The following EPHB4 variants were observed in gnomAD, a reference collection of about 807,000 sequenced individuals.
EPHB4 encodes the protein ephrin type-B receptor 4.
A neutral mutation model predicts 110.6 loss-of-function variants in EPHB4; 50 were observed. That is an observed-to-expected ratio of 0.45 (90% CI 0.36 to 0.57). The LOEUF (loss-of-function observed/expected upper bound fraction) is 0.57. EPHB4 is among the 20% of genes least tolerant of loss of function. The pLI, the probability that EPHB4 is intolerant of heterozygous loss-of-function variation, is 0.00. For missense variants in EPHB4, 1,128 were observed against 1,382.1 expected, an observed-to-expected ratio of 0.82 and a Z score of 2.91; for synonymous variants, 592 against 578.4, an observed-to-expected ratio of 1.02 and a Z score of -0.34.
intron 7 of EPHB4, among the ~76,000 whole-genome samples, chr7:100,818,091 AC>A (rs1416484351): frequency 2.1e-5 from 3 of 140,366 alleles, no homozygotes; most frequent in Non-Finnish European, 4.6e-5. Flanking sequence ...TGGTCTCGAT[AC>A]TCCTGACCTT....
Position 100,822,086 on chromosome 7 carries a change from G to C in EPHB4, c.808+185C>G, listed in dbSNP as rs1407256824. On this transcript the variant is annotated intron_variant, in intron 4 of 16. Coordinates refer to ENST00000358173, the MANE Select transcript of EPHB4 (RefSeq NM_004444.5). The surrounding 1 kb of genome is among the most constrained non-coding windows in gnomAD (Gnocchi z 4.7). ...GAGGCAGGAGAACTGCTTGAACAGG[G>C]ACCCGGGAGGCAAAGGTTGCAGTTG... is the stretch of plus-strand genomic sequence containing the variant. 6.6e-6 allele frequency among the ~76,000 whole-genome samples: 1 copy of C among 152,134 alleles called. No individual in the cohort carries two copies. Among genetic ancestry groups the C allele is most frequent in the African/African-American group, 2.4e-5 (1 of 41,434 alleles).
intron 1 of EPHB4, chr7:100,825,428 CT>C (rs1364774304): frequency 6.6e-6 from 1 of 152,250 alleles, no homozygotes; most frequent in Non-Finnish European, 1.5e-5. Flanking sequence ...AATTTACACA[CT>C]GTCTCTGCCT....
At chr7:100,809,981 G>T (rs145949150) in intron 12 of EPHB4, among the ~76,000 whole-genome samples, 94 of 152,362 alleles carry the variant, frequency 6.2e-4, no homozygotes, top group African/African-American at 2.2e-3. Flanking sequence ...GGGCATAGTG[G>T]CTCATGCCTG....
Position 100,823,758 on chromosome 7 carries a change from G to C in EPHB4, c.297C>G (p.Ser99=). 2 of 1,613,628 alleles carry C rather than the reference G, an allele frequency of 1.2e-6. No homozygotes were observed. Among genetic ancestry groups the C allele is most frequent in the African/African-American group, 2.7e-5 (2 of 75,064 alleles). Residue 99 remains serine, a synonymous_variant, in exon 3 of 17, where the codon TCC becomes TCG. Transcript: ENST00000358173. The part of the protein sequence containing the change: ...TLRFTMLECL[S]LPRAGRSCKE... ...TGCAGGAGCGCCCAGCCCGAGGCAG[G>C]GACAGGCACTCGAGCATGGTGAAGC...
Position 100,817,284 on chromosome 7 carries a change from C to G in EPHB4, c.1496G>C (p.Arg499Pro). The change falls in exon 8 of 17, where the codon CGG becomes CCG. Residue 499 changes from arginine (R) to proline (P), a missense_variant. Physicochemically the swap from Arg to Pro is moderately radical, Grantham distance 103. Transcript: ENST00000358173. Reference protein sequence around the residue: ...ENRAELRGLKRGASYLVQVRA... With the variant: ...ENRAELRGLKPGASYLVQVRA... ...TACCTGCACCAGGTAGCTGGCTCCC[C>G]GCTTCAGCCCCCGCAGCTCTGCCCG... is the stretch of plus-strand genomic sequence containing the variant. 6.2e-7 allele frequency: 1 copy of G among 1,600,168 alleles called. No individual in the cohort carries two copies.
In EPHB4 at chr7:100,805,294, C is replaced by T. The variant is rs775389102; in HGVS notation, c.2706G>A (p.Arg902=). ...AGCCAAAAGCTGAGTAGTGAGGCTG[C>T]CGCTGGTCCAGGAGAGGGTGTGAGG... ...GGASHPLLDQ[R]QPHYSAFGSV... The change falls in exon 16 of 17, where the codon CGG becomes CGA. Residue 902 remains arginine, a synonymous_variant. Coordinates refer to ENST00000358173, the MANE Select transcript of EPHB4 (RefSeq NM_004444.5). 1 of 1,613,688 alleles carries T rather than the reference C, an allele frequency of 6.2e-7. No individual in the cohort carries two copies. The highest frequency in any genetic ancestry group is 8.5e-7 in the Non-Finnish European group (1 of 1,179,842).
intron 8 of EPHB4, among the ~76,000 whole-genome samples, chr7:100,816,728 C>T (rs1013734521): frequency 6.6e-6 from 1 of 152,008 alleles, no homozygotes; most frequent in Non-Finnish European, 1.5e-5. Flanking sequence ...GTTTTGGTTT[C>T]GACATCTTAC....
In EPHB4 at chr7:100,807,469, G is replaced by A; in HGVS notation, c.2230C>T (p.Arg744Cys). 1 of 1,613,958 alleles carries A rather than the reference G, an allele frequency of 6.2e-7. No individual in the cohort carries two copies. Among genetic ancestry groups the A allele is most frequent in the Non-Finnish European group, 8.5e-7 (1 of 1,179,998 alleles). The change falls in exon 13 of 17, where the codon CGC (arginine) becomes TGC (cysteine). Residue 744 changes from arginine (R) to cysteine (C), a missense_variant. Physicochemically the swap from Arg to Cys is radical, Grantham distance 180. This residue lies in a region of EPHB4 where 191 missense variants were observed against 313.0 expected (regional missense o/e 0.61). Transcript: ENST00000358173. ...AGGTTGCTGTTGACTAGGATGTTGCGAGCAGCCAGGTCTCGGTGGACGTAG... is the reference window on the plus strand; with the variant it reads ...AGGTTGCTGTTGACTAGGATGTTGCAAGCAGCCAGGTCTCGGTGGACGTAG... ...MSYVHRDLAARNILVNSNLVC... is the reference protein window; with the variant it reads ...MSYVHRDLAACNILVNSNLVC...
chr7:100,807,354 C>G lies in EPHB4; in HGVS notation c.2334+11G>C. On this transcript the variant is annotated intron_variant, in intron 13 of 16. Coordinates refer to ENST00000358173, the MANE Select transcript of EPHB4 (RefSeq NM_004444.5). ...TAAGAAGCTCACACCCAGTATTACCCCCAGCATTACCAGGGAGCTCGTGTA... is the reference window on the plus strand; with the variant it reads ...TAAGAAGCTCACACCCAGTATTACCGCCAGCATTACCAGGGAGCTCGTGTA... The G allele has an allele frequency of 6.2e-7, 1 of 1,612,866 alleles. No individual in the cohort carries two copies. Among genetic ancestry groups the G allele is most frequent in the Non-Finnish European group, 8.5e-7 (1 of 1,179,660 alleles).
rs759962143 is a variant in EPHB4 at position 100,822,324 on chromosome 7, C to A, written c.755G>T (p.Gly252Val). The change falls in exon 4 of 17, where the codon GGC becomes GTC. Residue 252 changes from glycine (G) to valine (V), a missense_variant. Gly to Val is a moderately radical substitution (Grantham distance 109). Coordinates refer to ENST00000358173, the MANE Select transcript of EPHB4 (RefSeq NM_004444.5). This position sits in a 1 kb window ranked among gnomAD's most constrained non-coding sequence, Gnocchi z 4.7. ...DGQWAEQPVT[G>V]CSCAPGFEAA... ...CTCGAACCCCGGAGCACAGCTGCAGCCCGTGACCGGCTGTTCGGCCCACTG... is the reference window on the plus strand; with the variant it reads ...CTCGAACCCCGGAGCACAGCTGCAGACCGTGACCGGCTGTTCGGCCCACTG... The A allele has an allele frequency of 1.3e-6, 2 of 1,567,394 alleles. No individual in the cohort carries two copies. The highest frequency in any genetic ancestry group is 2.7e-5 in the African/African-American group (2 of 73,680).
Position 100,806,688 on chromosome 7 carries a change from C to T in EPHB4, c.2335-119G>A, listed in dbSNP as rs371884309. ...TTTTCCCCCTAGCTCAGGCCCCAAG[C>T]CTCCTACTCTCCAACTCTGTTTGCC... On this transcript the variant is annotated intron_variant, in intron 13 of 16. Transcript: ENST00000358173. 7.4e-6 allele frequency: 9 copies of T among 1,209,340 alleles called. No individual in the cohort carries two copies. In the East Asian group the frequency reaches 1.0e-4, roughly 14 times the overall value. The allele number at this position is 1,209,340 out of a possible 1,614,324, so 74.9% of individuals were successfully genotyped here.
intron 4 of EPHB4, among the ~76,000 whole-genome samples, chr7:100,821,947 G>A (rs1813245669): frequency 6.6e-6 from 1 of 152,066 alleles, no homozygotes. Context: ...AATCACTTCA[G>A]GTCAGGAGTT....
rs528749803 is a variant in EPHB4, at chr7:100,803,290, C to T, written c.*171G>A. 1.4e-4 allele frequency: 109 copies of T among 799,496 alleles called. 1 individual carries two copies. In the Admixed American group the frequency reaches 2.5e-3, roughly 18 times the overall value. The allele number at this position is 799,496 out of a possible 1,614,324, so 49.5% of individuals were successfully genotyped here. On this transcript the variant is annotated 3_prime_UTR_variant, in exon 17 of 17. Coordinates refer to ENST00000358173, the MANE Select transcript of EPHB4 (RefSeq NM_004444.5). ...CCGAGGTGGCTGGGGGGTGATTTTC[C>T]CCTCCTATTATGGCAGAACCCCCAA...
intron 1 of EPHB4, chr7:100,825,411 T>G (rs888005220): frequency 6.6e-6 from 1 of 152,204 alleles, no homozygotes; most frequent in Non-Finnish European, 1.5e-5. Flanking sequence ...AGTGTTTTCC[T>G]GTCTCCAATT....
chr7:100,820,441 G>T, intron 4 of EPHB4, 145 bp from the exon 5 acceptor site: 1 of 874,652 alleles, frequency 1.1e-6, no homozygotes, highest in Non-Finnish European at 1.6e-6. Context: ...GACCAGCCTG[G>T]GCAACATATC....
rs937292725 is a variant in EPHB4, at chr7:100,822,675, C to G, written c.412-8G>C. ...CGCGGCCACCGTGTCCACCTGCCGG[C>G]GGGGGGGAGGCACACCGCTGCTGTC... On this transcript the variant is annotated splice_polypyrimidine_tract_variant and splice_region_variant and intron_variant, in intron 3 of 16. Transcript: ENST00000358173. This position sits in a 1 kb window ranked among gnomAD's most constrained non-coding sequence, Gnocchi z 4.7. The G allele has an allele frequency of 3.2e-6, 5 of 1,543,990 alleles. No homozygotes were observed. The highest frequency in any genetic ancestry group is 2.3e-5 in the East Asian group (1 of 43,042).
chr7:100,821,689 G>A (rs1028188655), intron 4 of EPHB4, among the ~76,000 whole-genome samples: 53 of 150,564 alleles, frequency 3.5e-4, no homozygotes, highest in Middle Eastern at 6.8e-3. Flanking sequence ...GGCTGATCTC[G>A]AACTCCTGGG....
At chr7:100,826,937 C>A in intron 1 of EPHB4, 42 bp downstream of exon 1, 1 of 1,537,470 alleles carries the variant, frequency 6.5e-7, no homozygotes. Flanking sequence ...GGGGGAGGTC[C>A]CAGGAGTGAC....
chr7:100,811,421 CCTGT>C (rs1199305318), intron 12 of EPHB4, among the ~76,000 whole-genome samples: 7 of 151,982 alleles, frequency 4.6e-5, no homozygotes, highest in Non-Finnish European at 1.0e-4. Flanking sequence ...TTTTAAAAAG[CCTGT>C]CTATTTACTT....
Sources: gnomAD v4.1 joint callset for allele counts (sites outside exome capture counted in the v4.1 genomes callset) on GRCh38, gnomAD v4.1.1 for gene constraint, gnomAD v4.1.1 regional missense constraint, Gnocchi (gnomAD v3.1) non-coding constraint, MANE v1.5 for transcripts, NCBI Gene and HGNC (gene_info 2026-07-23, HGNC 2026-07-21) for gene names.